The following MTMR2 variants were observed in gnomAD, a reference collection of about 807,000 sequenced individuals.
MTMR2 encodes phosphatidylinositol-3,5-bisphosphate 3-phosphatase MTMR2.
Under a neutral mutation model 86.9 loss-of-function variants are expected in MTMR2, and 55 were observed. The ratio of observed to expected loss-of-function variants is 0.63; its 90% confidence interval spans 0.51 to 0.79. MTMR2 has a LOEUF of 0.79. MTMR2 is among the 30% of genes least tolerant of loss of function. The probability of loss-of-function intolerance (pLI) is 0.00; values close to 1 mark genes in which losing one functional copy is unlikely to be tolerated. For synonymous variants in MTMR2, 241 were observed against 266.8 expected, an observed-to-expected ratio of 0.90 and a Z score of 0.94; for missense variants, 659 against 772.3, an observed-to-expected ratio of 0.85 and a Z score of 1.74.
In MTMR2 at chr11:95,850,715, A is replaced by G. The variant is rs755530755; in HGVS notation, c.689T>C (p.Ile230Thr). The change falls in exon 8 of 15, where the codon ATA (isoleucine) becomes ACA (threonine). Residue 230 changes from isoleucine (I) to threonine (T), a missense_variant. Transcript: ENST00000346299. ...IPNESWRITK[I>T]NERYELCDTY... Reference sequence around the variant, plus strand: ...ATCACAAAGTTCATATCGTTCATTTATCTTTGTTATTCTCCAGCTTTCATT... The same window carrying G: ...ATCACAAAGTTCATATCGTTCATTTGTCTTTGTTATTCTCCAGCTTTCATT... 7 of 1,613,944 alleles carry G rather than the reference A, an allele frequency of 4.3e-6. No homozygotes were observed. The South Asian group carries it at 4.4e-5, about 10-fold the overall frequency.
At chr11:95,900,380 A>G (rs1354386801) in intron 1 of MTMR2, among the ~76,000 whole-genome samples, 7 of 152,208 alleles carry the variant, frequency 4.6e-5, no homozygotes, top group Non-Finnish European at 8.8e-5. Context: ...ACTATTCAAA[A>G]TAAGTAGTTA....
Position 95,835,275 on chromosome 11 carries a change from T to C in MTMR2, c.*15A>G, listed in dbSNP as rs767705774. 21 of 1,612,126 alleles carry C rather than the reference T, an allele frequency of 1.3e-5. No individual in the cohort carries two copies. Among genetic ancestry groups the C allele is most frequent in the Non-Finnish European group, 1.7e-5 (20 of 1,178,758 alleles). The stretch of plus-strand genomic sequence containing the variant: ...CAAGAGTGTATAGCAATGATGCCCC[T>C]GATCTTACAGTCCTTTATACAACAG... On this transcript the variant is annotated 3_prime_UTR_variant, in exon 15 of 15. Transcript: ENST00000346299.
At chr11:95,836,451 G>T in intron 13 of MTMR2, 127 bp from the exon 14 acceptor site, 4 of 828,866 alleles carry the variant, frequency 4.8e-6, no homozygotes, top group Non-Finnish European at 8.0e-6. Context: ...GGAGACTTCA[G>T]TGATAAACCA....
At chr11:95,845,971 T>C (rs1300388747) in intron 10 of MTMR2, among the ~76,000 whole-genome samples, 2 of 151,338 alleles carry the variant, frequency 1.3e-5, no homozygotes, top group Non-Finnish European at 2.9e-5. Context: ...AGTATAGTTC[T>C]ACATACGCAG....
At chr11:95,884,632 T>G (rs917237911) in intron 2 of MTMR2, among the ~76,000 whole-genome samples, 1 of 152,178 alleles carries the variant, frequency 6.6e-6, no homozygotes, top group African/African-American at 2.4e-5. Context: ...TGTACGAATA[T>G]CTATCATAAT....
chr11:95,866,538 T>A (rs1864625989), intron 2 of MTMR2: 1 of 151,910 alleles, frequency 6.6e-6, no homozygotes, highest in Admixed American at 6.6e-5. Context: ...CTAAACAAAT[T>A]CATTCTTTTG....
chr11:95,871,976 G>A (rs1255686613), intron 2 of MTMR2, among the ~76,000 whole-genome samples: 15 of 152,078 alleles, frequency 9.9e-5, no homozygotes, highest in Non-Finnish European at 1.5e-4. Flanking sequence ...TCCCAGCACT[G>A]TTTATTAAAT....
chr11:95,840,927 T>A (rs1417624085), intron 12 of MTMR2, among the ~76,000 whole-genome samples: 2 of 152,186 alleles, frequency 1.3e-5, no homozygotes, highest in East Asian at 1.9e-4. Context: ...TGAGCTGCAT[T>A]CAACAGGGTT....
intron 1 of MTMR2, among the ~76,000 whole-genome samples, chr11:95,893,507 C>A (rs1865778521): frequency 6.6e-6 from 1 of 152,144 alleles, no homozygotes; most frequent in Non-Finnish European, 1.5e-5. Context: ...CCCTTCCTAA[C>A]CATCAGTGTC....
chr11:95,889,190 A>G (rs1010668469), intron 1 of MTMR2, among the ~76,000 whole-genome samples: 1 of 150,726 alleles, frequency 6.6e-6, no homozygotes, highest in East Asian at 2.0e-4. Flanking sequence ...CTGGAGTGCA[A>G]TGGTGCGATC....
chr11:95,859,581 C>T (rs1430148212), intron 5 of MTMR2, among the ~76,000 whole-genome samples: 1 of 152,068 alleles, frequency 6.6e-6, no homozygotes, highest in East Asian at 1.9e-4. Context: ...TCTTTAAATG[C>T]ATTGATTGAT....
intron 5 of MTMR2, among the ~76,000 whole-genome samples, chr11:95,858,955 C>A (rs1864308007): frequency 6.6e-6 from 1 of 152,166 alleles, no homozygotes; most frequent in Non-Finnish European, 1.5e-5. Flanking sequence ...AGATTAATAT[C>A]ATGACTGATA....
intron 4 of MTMR2, 65 bp downstream of exon 4, chr11:95,862,207 A>T: frequency 6.5e-7 from 1 of 1,546,894 alleles, no homozygotes. Flanking sequence ...AAATGATCAG[A>T]AATGAACAAA....
At chr11:95,858,191 C>G (rs1323109688) in intron 6 of MTMR2, among the ~76,000 whole-genome samples, 2 of 152,100 alleles carry the variant, frequency 1.3e-5, no homozygotes, top group African/African-American at 4.8e-5. Flanking sequence ...TTACCTCCCT[C>G]CCAAATTGCT....
chr11:95,885,212 T>C (rs1865473647), intron 2 of MTMR2, among the ~76,000 whole-genome samples: 1 of 152,104 alleles, frequency 6.6e-6, no homozygotes. Context: ...TCTAGACAAA[T>C]TTGCATTTAT....
At chr11:95,897,367 A>AT (rs527946043) in intron 1 of MTMR2, among the ~76,000 whole-genome samples, 7 of 152,114 alleles carry the variant, frequency 4.6e-5, no homozygotes, top group African/African-American at 9.7e-5. Context: ...CATATTTGAA[A>AT]TTTTTTAGTA....
rs1377588751 is a variant in MTMR2 at position 95,865,755 on chromosome 11, T to C, written c.187-79A>G. On this transcript the variant is annotated intron_variant, in intron 2 of 14. Coordinates refer to ENST00000346299, the MANE Select transcript of MTMR2 (RefSeq NM_016156.6). Reference sequence around the variant, plus strand: ...TCACTCATATTTCAACTGAGTATACTTGCTCTTGAAGTTATAACATCATAT... The same window carrying C: ...TCACTCATATTTCAACTGAGTATACCTGCTCTTGAAGTTATAACATCATAT... The C allele has an allele frequency of 5.1e-6, 6 of 1,184,132 alleles. No individual in the cohort carries two copies. In the East Asian group the frequency reaches 7.1e-5, roughly 14 times the overall value. 73.4% of individuals were successfully genotyped at this position (1,184,132 alleles called of 1,614,324 possible).
At chr11:95,916,777 T>C (rs981359913) in intron 1 of MTMR2, among the ~76,000 whole-genome samples, 4 of 152,176 alleles carry the variant, frequency 2.6e-5, no homozygotes, top group African/African-American at 9.6e-5. Context: ...ACTAAAAATA[T>C]TTAAAGAGCC....
intron 2 of MTMR2, among the ~76,000 whole-genome samples, chr11:95,882,948 G>A (rs1331610736): frequency 6.3e-5 from 8 of 126,380 alleles, no homozygotes; most frequent in South Asian, 2.5e-4. Flanking sequence ...GGGTTTCACC[G>A]TGTTAGCCAG....
Sources: allele counts gnomAD v4.1 joint callset (sites outside exome capture counted in the v4.1 genomes callset), GRCh38; gene constraint gnomAD v4.1.1; transcripts MANE v1.5; gene names NCBI Gene and HGNC (gene_info 2026-07-23, HGNC 2026-07-21).